LAMA1: variants seen among roughly 807,000 people sequenced by gnomAD.
LAMA1 encodes laminin subunit alpha-1.
Under a neutral mutation model 348.7 loss-of-function variants are expected in LAMA1, and 219 were observed. The ratio of observed to expected loss-of-function variants is 0.63; its 90% CI spans 0.56 to 0.70. The LOEUF (loss-of-function observed/expected upper bound fraction) is 0.70. Ranked by LOEUF, LAMA1 falls within the 30% of genes least tolerant of loss-of-function variation. LAMA1 has a pLI of 0.00. For synonymous variants in LAMA1, 1,487 were observed against 1,491.0 expected (o/e 1.00, Z 0.06); for missense variants, 3,744 against 3,888.0 (o/e 0.96, Z 0.99).
intron 30 of LAMA1, among the ~76,000 whole-genome samples, chr18:7,001,251 A>C (rs2057806322): frequency 6.6e-6 from 1 of 152,176 alleles, no homozygotes; most frequent in South Asian, 2.1e-4. Context: ...TGTTTGTAAA[A>C]TATTTCACTC....
rs10566387 is a variant in LAMA1 at position 7,097,499 on chromosome 18, C to CTTTTTTTT, written c.62-17050_62-17043dup. Reference sequence around the variant, plus strand: ...CAATTGCTATCAAAATCTCAGCTGGCTTTTTTTTTTTTTTTTTTTGTAGAA... The same window carrying CTTTTTTTT: ...CAATTGCTATCAAAATCTCAGCTGGCTTTTTTTTTTTTTTTTTTTTTTTTTTTGTAGAA... On this transcript the variant is annotated intron_variant, in intron 1 of 62. Coordinates refer to ENST00000389658, the MANE Select transcript of LAMA1 (RefSeq NM_005559.4). Among the ~76,000 whole-genome samples the CTTTTTTTT allele has an allele frequency of 2.7e-5, 3 of 109,900 alleles. 1 individual carries two copies. The highest frequency in any genetic ancestry group is 6.4e-5 in the African/African-American group (2 of 31,388). The allele number at this position is 109,900 out of a possible 152,430, so 72.1% of individuals were successfully genotyped here. A position where few individuals can be genotyped will look rare whatever the true frequency, so the allele number is the denominator to read the frequency against.
chr18:6,995,823 A>C (rs1296840643), intron 33 of LAMA1, among the ~76,000 whole-genome samples: 1 of 152,178 alleles, frequency 6.6e-6, no homozygotes, highest in Non-Finnish European at 1.5e-5. Flanking sequence ...GAATTCAATA[A>C]AGAAAGACTT....
rs1173620376 is a variant in LAMA1, at chr18:7,025,880, CGTATTACACACACA to C, written c.2402+85_2402+98del. 4.7e-6 allele frequency: 7 copies of C among 1,488,356 alleles called. No individual in the cohort carries two copies. In the East Asian group the frequency reaches 1.7e-4, roughly 36 times the overall value. The allele number at this position is 1,488,356 out of a possible 1,614,324, so 92.2% of individuals were successfully genotyped here. A position where few individuals can be genotyped will look rare whatever the true frequency, so the allele number is the denominator to read the frequency against. On this transcript the variant is annotated intron_variant, in intron 17 of 62. Coordinates refer to ENST00000389658, the MANE Select transcript of LAMA1 (RefSeq NM_005559.4). ...ATTGTCACTGGGCAAAATTCACACA[CGTATTACACACACA>C]GTCTTGCTCTGAAGTCATTAGTACG...
intron 22 of LAMA1, 60 bp from the exon 23 acceptor site, chr18:7,014,111 C>T: frequency 1.6e-6 from 2 of 1,280,658 alleles, no homozygotes; most frequent in Admixed American, 1.7e-5. Context: ...CAAATGCACA[C>T]ATATTTGAAT....
intron 58 of LAMA1, among the ~76,000 whole-genome samples, chr18:6,950,542 C>T (rs1031630898): frequency 6.6e-6 from 1 of 152,174 alleles, no homozygotes; most frequent in Non-Finnish European, 1.5e-5. Context: ...ACCTTTTGTT[C>T]ATCCCGCCAA....
At chr18:6,951,781 G>T (rs1363597071) in intron 57 of LAMA1, among the ~76,000 whole-genome samples, 2 of 152,196 alleles carry the variant, frequency 1.3e-5, no homozygotes, top group African/African-American at 4.8e-5. Context: ...TCTGGAGGAA[G>T]AAGCAACAGG....
intron 3 of LAMA1, among the ~76,000 whole-genome samples, chr18:7,068,999 T>A (rs2058135096): frequency 6.6e-6 from 1 of 152,230 alleles, no homozygotes; most frequent in Non-Finnish European, 1.5e-5. Context: ...AAGCATTTTG[T>A]GATCCAATCC....
At chr18:7,001,408 T>G (rs1243758600) in intron 30 of LAMA1, among the ~76,000 whole-genome samples, 8 of 152,068 alleles carry the variant, frequency 5.3e-5, no homozygotes, top group Non-Finnish European at 8.8e-5. Context: ...ACTACAGAAG[T>G]GGAATTGACA....
chr18:7,062,458 G>C (rs16951141), intron 3 of LAMA1, among the ~76,000 whole-genome samples: 69,578 of 151,742 alleles, frequency 0.46, 16,599 homozygotes, highest in African/African-American at 0.59. Flanking sequence ...TCACGCAGAT[G>C]TTTGTGCACC....
chr18:7,095,065 G>GTTTT (rs779909400), intron 1 of LAMA1, among the ~76,000 whole-genome samples: 2 of 114,700 alleles, frequency 1.7e-5, no homozygotes, highest in East Asian at 2.5e-4. Context: ...TCCCTTGACT[G>GTTTT]TTTTTTTTTT....
chr18:7,025,901 C>T (rs2144146965), intron 17 of LAMA1, 78 bp downstream of exon 17: 1 of 1,541,658 alleles, frequency 6.5e-7, no homozygotes, highest in Non-Finnish European at 8.8e-7. Context: ...CACAGTCTTG[C>T]TCTGAAGTCA....
Position 6,966,159 on chromosome 18 carries a change from A to T in LAMA1, c.7038T>A (p.Gly2346=), listed in dbSNP as rs1276703197. ...CAAACACTCTTACTGTGCCGTATGA[A>T]CCCAGGTAGAGAAGAAGTCCATTAG... is the stretch of plus-strand genomic sequence containing the variant. The part of the protein sequence containing the change: ...FSPNGLLLYL[G]SYGTKDFLSI... The change falls in exon 49 of 63, where the codon GGT becomes GGA. Residue 2346 remains glycine (G), a synonymous_variant. Transcript: ENST00000389658. 1 of 1,614,198 alleles carries T rather than the reference A, an allele frequency of 6.2e-7. No individual in the cohort carries two copies. Among genetic ancestry groups the T allele is most frequent in the Admixed American group, 1.7e-5 (1 of 60,034 alleles).
At chr18:7,089,231 A>G (rs984089902) in intron 1 of LAMA1, among the ~76,000 whole-genome samples, 3 of 152,110 alleles carry the variant, frequency 2.0e-5, no homozygotes, top group African/African-American at 7.2e-5. Flanking sequence ...AATACAAAAA[A>G]TTAGCCAGAC....
chr18:6,948,559 A>C lies in LAMA1; in HGVS notation c.8557-3T>G. ...CAGGCAGGGATGCTGTGGGTGATCT[A>C]AGCCAAATGACATGCAAGAGTAGAC... On this transcript the variant is annotated splice_polypyrimidine_tract_variant and splice_region_variant and intron_variant, in intron 59 of 62. Coordinates refer to ENST00000389658, the MANE Select transcript of LAMA1 (RefSeq NM_005559.4). The C allele has an allele frequency of 6.2e-7, 1 of 1,614,184 alleles. No individual in the cohort carries two copies. Among genetic ancestry groups the C allele is most frequent in the Non-Finnish European group, 8.5e-7 (1 of 1,180,034 alleles).
chr18:6,942,198 G>A lies in LAMA1; in HGVS notation c.9109C>T (p.Arg3037Cys), dbSNP rs577598234. ...AGAGCTAGCTTCCTCAAACACCCGC[G>A]GAACGAGGTCTGGCTGCGCAGGCAT... ...QKCLRSQTSFRGCLRKLALIK... is the reference protein window; with the variant it reads ...QKCLRSQTSFCGCLRKLALIK... The change falls in exon 63 of 63, where the codon CGC becomes TGC. Residue 3037 changes from arginine (R) to cysteine (C), a missense_variant. This residue lies in a region of LAMA1 where 232 missense variants were observed against 264.4 expected (regional missense o/e 0.88). Transcript: ENST00000389658. 3.3e-5 allele frequency: 54 copies of A among 1,613,978 alleles called. No individual in the cohort carries two copies. Among genetic ancestry groups the A allele is most frequent in the African/African-American group, 6.7e-5 (5 of 74,898 alleles).
At chr18:7,049,400 A>T (rs766319527) in intron 4 of LAMA1, 143 bp from the exon 5 acceptor site, 50 of 712,184 alleles carry the variant, frequency 7.0e-5, no homozygotes, top group Non-Finnish European at 1.1e-4. Context: ...CCCAGGTTCA[A>T]GCAATTCTCC....
chr18:7,110,175 C>T (rs946850502), intron 1 of LAMA1, among the ~76,000 whole-genome samples: 6 of 148,582 alleles, frequency 4.0e-5, no homozygotes, highest in Admixed American at 1.3e-4. Flanking sequence ...AGCAAGACTC[C>T]ATCCCCCCAC....
At chr18:7,061,302 G>C (rs1015435541) in intron 3 of LAMA1, among the ~76,000 whole-genome samples, 1 of 152,172 alleles carries the variant, frequency 6.6e-6, no homozygotes, top group African/African-American at 2.4e-5. Context: ...TGGTGATTTT[G>C]CTAAATTTGT....
At position 6,958,381 on chromosome 18, in the gene LAMA1, C is replaced by T. The variant is rs1046363874; in HGVS notation, c.7964+96G>A. ...ATTATTTGGGAATTTGCAAAGTTTTCAATCTCAAACAGTACAATGAGATTT... is the reference window on the plus strand; with the variant it reads ...ATTATTTGGGAATTTGCAAAGTTTTTAATCTCAAACAGTACAATGAGATTT... On this transcript the variant is annotated intron_variant, in intron 55 of 62. Coordinates refer to ENST00000389658, the MANE Select transcript of LAMA1 (RefSeq NM_005559.4). The T allele has an allele frequency of 2.2e-6, 3 of 1,387,898 alleles. No homozygotes were observed. In the African/African-American group the frequency reaches 4.3e-5, roughly 20 times the overall value. The allele number at this position is 1,387,898 out of a possible 1,614,324, so 86.0% of individuals were successfully genotyped here.
Sources: gnomAD v4.1 joint callset for allele counts (sites outside exome capture counted in the v4.1 genomes callset) on GRCh38, gnomAD v4.1.1 for gene constraint, gnomAD v4.1.1 regional missense constraint, MANE v1.5 for transcripts, NCBI Gene and HGNC (gene_info 2026-07-23, HGNC 2026-07-21) for gene names.